The following XRRA1 variants were observed in gnomAD, a reference collection of about 807,000 sequenced individuals.
XRRA1 encodes the protein X-ray radiation resistance-associated protein 1.
XRRA1 carries 69 observed loss-of-function variants against 80.2 expected under a neutral mutation model. The observed-to-expected ratio is 0.86, with a 90% CI of 0.71 to 1.05. XRRA1 has a LOEUF of 1.05. Ranked by LOEUF, XRRA1 falls within the 50% of genes least tolerant of loss-of-function variation. The probability of loss-of-function intolerance (pLI) is 0.00; values close to 1 mark genes in which losing one functional copy is unlikely to be tolerated. For synonymous variants in XRRA1, 348 were observed against 389.9 expected (o/e 0.89, Z 1.27); for missense variants, 967 against 976.4 (o/e 0.99, Z 0.13).
chr11:74,863,023 TGAAACAGAAGA>T lies in XRRA1; in HGVS notation c.1004-13_1004-3del, dbSNP rs369939343. 6.2e-7 allele frequency: 1 copy of T among 1,601,576 alleles called. No individual in the cohort carries two copies. ...CAGGGTAAGATGAAAACACAACCTC[TGAAACAGAAGA>T]GAAACAGAATGAAGGTTGGTGAGAC... On this transcript the variant is annotated splice_polypyrimidine_tract_variant and splice_region_variant and intron_variant, in intron 10 of 18. Transcript: ENST00000684022.
intron 11 of XRRA1, among the ~76,000 whole-genome samples, chr11:74,860,814 C>T (rs181677611): frequency 2.1e-4 from 32 of 152,338 alleles, no homozygotes; most frequent in Middle Eastern, 3.4e-3. Context: ...GTTCCTGGCA[C>T]TGAGCTTCTA....
intron 8 of XRRA1, chr11:74,911,176 A>G (rs1565386694): frequency 6.6e-6 from 1 of 152,322 alleles, no homozygotes; most frequent in Non-Finnish European, 1.5e-5. Context: ...CCCACAGAGC[A>G]TACTGAATCT....
At chr11:74,915,455 G>A (rs1035961129) in intron 8 of XRRA1, among the ~76,000 whole-genome samples, 1 of 152,140 alleles carries the variant, frequency 6.6e-6, no homozygotes, top group Non-Finnish European at 1.5e-5. Context: ...CAGGGATGAA[G>A]GCTACACACT....
intron 7 of XRRA1, among the ~76,000 whole-genome samples, chr11:74,922,415 G>A (rs556097153): frequency 3.9e-5 from 6 of 152,226 alleles, no homozygotes; most frequent in Admixed American, 1.3e-4. Context: ...TCAGAAAACC[G>A]TGTTTCTCTG....
intron 17 of XRRA1, 27 bp downstream of exon 17, chr11:74,844,141 T>G: frequency 6.2e-6 from 10 of 1,603,216 alleles, no homozygotes; most frequent in Non-Finnish European, 8.5e-6. Context: ...AGGGGCCATT[T>G]ACACATTCAG....
At chr11:74,845,967 G>A (rs113665965) in intron 15 of XRRA1, 55 of 152,474 alleles carry the variant, frequency 3.6e-4, no homozygotes, top group African/African-American at 1.2e-3. Context: ...GAGATGGGAG[G>A]ACTGCTTGAG....
chr11:74,844,178 T>C lies in XRRA1; in HGVS notation c.2033A>G (p.Lys678Arg), dbSNP rs2037351027. The change falls in exon 17 of 19, where the codon AAA becomes AGA. Residue 678 changes from lysine to arginine, a missense_variant. Physicochemically the swap from Lys to Arg is conservative, Grantham distance 26. Coordinates refer to ENST00000684022, the MANE Select transcript of XRRA1 (RefSeq NM_001378157.1). ...LDTLQKPYVH[K>R]EKRAQRIPIP... ...GAGCTGGATGTTTACCCGTTTCTCT[T>C]TGTGAACATAGGGTTTCTGAAGAGT... The C allele has an allele frequency of 2.5e-6, 4 of 1,613,726 alleles. No individual in the cohort carries two copies. The highest frequency in any genetic ancestry group is 1.3e-5 in the African/African-American group (1 of 75,026).
Position 74,843,362 on chromosome 11 carries a change from A to G in XRRA1, c.2241T>C (p.Arg747=), listed in dbSNP as rs1312152388. 2.5e-6 allele frequency: 4 copies of G among 1,611,776 alleles called. No homozygotes were observed. The African/African-American group carries it at 4.0e-5, about 16-fold the overall frequency. ...AKRLLKEFQA[R]YRQLVSGSLR... is the part of the protein sequence containing the mutation. ...GAGAGCCACTCACCAGCTGCCGGTA[A>G]CGTGCCTGGAACTCCTTCAACAGCC... Residue 747 remains arginine (R), a synonymous_variant, in exon 19 of 19, where the codon CGT becomes CGC. Transcript: ENST00000684022.
chr11:74,920,112 A>G (rs550401300), intron 8 of XRRA1: 1 of 161,410 alleles, frequency 6.2e-6, no homozygotes, highest in East Asian at 1.8e-4. Context: ...ATGCTCAAGA[A>G]ATAGAGATGC....
intron 10 of XRRA1, among the ~76,000 whole-genome samples, chr11:74,867,856 C>T (rs568825344): frequency 6.7e-6 from 1 of 149,412 alleles, no homozygotes; most frequent in Admixed American, 6.7e-5. Context: ...AAAAACCCAT[C>T]AACTAACAAA....
chr11:74,899,125 A>G (rs2053053274), intron 10 of XRRA1, among the ~76,000 whole-genome samples: 1 of 152,210 alleles, frequency 6.6e-6, no homozygotes, highest in Non-Finnish European at 1.5e-5. Flanking sequence ...AAACTATACA[A>G]ACACATAGAA....
chr11:74,946,527 T>C (rs1231823667), intron 1 of XRRA1, among the ~76,000 whole-genome samples: 3 of 152,198 alleles, frequency 2.0e-5, no homozygotes, highest in Non-Finnish European at 4.4e-5. Context: ...TGATTGTAAA[T>C]TTCCTGAGGC....
chr11:74,887,117 AAGAT>A (rs758516961), intron 10 of XRRA1, among the ~76,000 whole-genome samples: 6 of 152,230 alleles, frequency 3.9e-5, no homozygotes, highest in South Asian at 2.1e-4. Flanking sequence ...AAAATTCTGG[AAGAT>A]AGATAGCCTA....
intron 6 of XRRA1, 21 bp from the exon 7 acceptor site, chr11:74,927,509 G>C (rs776016529): frequency 1.3e-6 from 2 of 1,496,888 alleles, no homozygotes; most frequent in East Asian, 2.3e-5. Context: ...AAGAGAAAGA[G>C]AGAGTCTGCA....
Position 74,889,799 on chromosome 11 carries a change from G to C in XRRA1, c.1003+16440C>G, listed in dbSNP as rs568675485. ...CTTTAAACCAACAAAGATCAAAGGAGACGAAGGCCATTACATAATGGTAAA... is the reference window on the plus strand; with the variant it reads ...CTTTAAACCAACAAAGATCAAAGGACACGAAGGCCATTACATAATGGTAAA... On this transcript the variant is annotated intron_variant, in intron 10 of 18. Transcript: ENST00000684022. Among the ~76,000 whole-genome samples, 6 of 150,734 alleles carry C rather than the reference G, an allele frequency of 4.0e-5. No homozygotes were observed. In the South Asian group the frequency reaches 1.3e-3, roughly 31 times the overall value.
intron 8 of XRRA1, among the ~76,000 whole-genome samples, chr11:74,912,804 T>A (rs556576093): frequency 1.3e-5 from 2 of 152,322 alleles, no homozygotes; most frequent in East Asian, 3.9e-4. Context: ...AGTTCCTGTA[T>A]CACACTAGCT....
At chr11:74,917,580 T>C (rs769520227) in intron 8 of XRRA1, among the ~76,000 whole-genome samples, 1 of 152,214 alleles carries the variant, frequency 6.6e-6, no homozygotes, top group Non-Finnish European at 1.5e-5. Flanking sequence ...CAATTAGATA[T>C]AGTTAGGGAA....
intron 3 of XRRA1, among the ~76,000 whole-genome samples, chr11:74,938,342 T>C (rs1473906592): frequency 6.6e-6 from 1 of 152,232 alleles, no homozygotes; most frequent in Non-Finnish European, 1.5e-5. Flanking sequence ...GCATGAACTT[T>C]GCTTCTACTT....
intron 5 of XRRA1, among the ~76,000 whole-genome samples, chr11:74,932,379 C>A (rs1241957209): frequency 2.0e-5 from 3 of 152,152 alleles, no homozygotes; most frequent in Non-Finnish European, 2.9e-5. Flanking sequence ...ATATTTCGCA[C>A]CCTCGTGTTT....
Sources: allele counts gnomAD v4.1 joint callset (sites outside exome capture counted in the v4.1 genomes callset), GRCh38; gene constraint gnomAD v4.1.1; transcripts MANE v1.5; gene names NCBI Gene and HGNC (gene_info 2026-07-23, HGNC 2026-07-21).